The following SBF1 variants were observed in gnomAD, a reference collection of about 807,000 sequenced individuals.
The protein encoded by SBF1 is SET binding factor 1.
SBF1 carries 65 observed loss-of-function variants against 215.8 expected under a neutral mutation model. The observed-to-expected ratio is 0.30, with a 90% CI of 0.25 to 0.37. SBF1 has a LOEUF of 0.37. Ranked by LOEUF, SBF1 falls within the 10% of genes least tolerant of loss-of-function variation. The pLI is 1.00. For synonymous variants in SBF1, 1,410 were observed against 1,122.8 expected (o/e 1.26, Z -5.11); for missense variants, 2,634 against 2,667.8 (o/e 0.99, Z 0.28).
At chr22:50,474,654 A>T in intron 1 of SBF1, 132 bp downstream of exon 1, 1 of 345,178 alleles carries the variant, frequency 2.9e-6, no homozygotes, top group Non-Finnish European at 4.2e-6. Context: ...CCCGGCCCTC[A>T]GTCCTCGGCC....
intron 23 of SBF1, 133 bp from the exon 24 acceptor site, chr22:50,460,845 T>A: frequency 9.6e-7 from 1 of 1,042,194 alleles, no homozygotes; most frequent in East Asian, 2.4e-5. Context: ...AAGGCCTGTA[T>A]CTGTGTCACA....
intron 28 of SBF1, among the ~76,000 whole-genome samples, chr22:50,458,148 C>A (rs924441468): frequency 3.1e-4 from 47 of 152,022 alleles, no homozygotes; most frequent in African/African-American, 1.0e-3. Context: ...AAATACAATA[C>A]AAAAAAATCA....
At chr22:50,466,964 CAA>C in intron 5 of SBF1, 1 of 555,924 alleles carries the variant, frequency 1.8e-6, no homozygotes, top group Non-Finnish European at 3.2e-6. Flanking sequence ...GCGGAAGAAA[CAA>C]AGAATCCATA....
At chr22:50,463,863 A>T (rs1477163352) in intron 15 of SBF1, among the ~76,000 whole-genome samples, 3 of 152,212 alleles carry the variant, frequency 2.0e-5, no homozygotes, top group Non-Finnish European at 4.4e-5. Context: ...GAAAAACAAG[A>T]GTCTCCAACT....
chr22:50,464,273 TG>T lies in SBF1; in HGVS notation c.1749+55del, dbSNP rs144782443. On this transcript the variant is annotated intron_variant, in intron 15 of 40. Transcript: ENST00000380817. Reference sequence around the variant, plus strand: ...GCACTCACAAGGGTGAAGTGCAGCCTGGGTCTCCTCTGAAACCCGCTGCCCT... The same window carrying T: ...GCACTCACAAGGGTGAAGTGCAGCCTGGTCTCCTCTGAAACCCGCTGCCCT... 0.063 allele frequency: 88,201 copies of T among 1,402,964 alleles called. 3,058 individuals are homozygous for T. Among genetic ancestry groups the T allele is most frequent in the African/African-American group, 0.08 (5,714 of 71,028 alleles). 86.9% of individuals were successfully genotyped at this position (1,402,964 alleles called of 1,614,324 possible).
rs572970807 is a variant in SBF1, at chr22:50,447,000, G to C, written c.*142C>G. ...CGGCCGGGCGGGGCGGGGCGGGGAC[G>C]GGGGCTGTACACACAAGTGCTGGGG... is the stretch of plus-strand genomic sequence containing the variant. On this transcript the variant is annotated 3_prime_UTR_variant, in exon 41 of 41. Transcript: ENST00000380817. 2 of 778,090 alleles carry C rather than the reference G, an allele frequency of 2.6e-6. No individual in the cohort carries two copies. The highest frequency in any genetic ancestry group is 4.3e-6 in the Non-Finnish European group (2 of 460,034). The allele number at this position is 778,090 out of a possible 1,614,324, so 48.2% of individuals were successfully genotyped here. A position where few individuals can be genotyped will look rare whatever the true frequency, so the allele number is the denominator to read the frequency against.
At position 50,466,358 on chromosome 22, in the gene SBF1, G is replaced by C. The variant is rs2067755169; in HGVS notation, c.780C>G (p.Leu260=). The C allele has an allele frequency of 1.3e-6, 2 of 1,568,206 alleles. No homozygotes were observed. Among genetic ancestry groups the C allele is most frequent in the African/African-American group, 1.4e-5 (1 of 73,722 alleles). Residue 260 remains leucine (L), a synonymous_variant, in exon 7 of 41, where the codon CTC becomes CTG. Transcript: ENST00000380817. Reference sequence around the variant, plus strand: ...GGCCGGGCAGGGGTCACCTGTATCTGAGAGGAAACAGCAGTGCCAGGAGGC... The same window carrying C: ...GGCCGGGCAGGGGTCACCTGTATCTCAGAGGAAACAGCAGTGCCAGGAGGC... ...CRGLLALLFP[L]RYSFTYVPIL...
intron 1 of SBF1, among the ~76,000 whole-genome samples, chr22:50,473,783 C>G (rs768251993): frequency 1.3e-5 from 2 of 152,222 alleles, no homozygotes; most frequent in Non-Finnish European, 2.9e-5. Flanking sequence ...CACAGCCATC[C>G]CCACACACTG....
chr22:50,454,403 G>T (rs1354678873), intron 36 of SBF1, 109 bp downstream of exon 36: 4 of 978,738 alleles, frequency 4.1e-6, no homozygotes, highest in Non-Finnish European at 6.2e-6. Flanking sequence ...ACCCCCAGGG[G>T]TAACCGGACT....
chr22:50,459,149 G>A (rs1199322570), intron 28 of SBF1, 106 bp downstream of exon 28: 9 of 1,438,002 alleles, frequency 6.3e-6, no homozygotes, highest in Middle Eastern at 2.0e-4. Context: ...AAACATCCAT[G>A]ACCAGCGCCG....
chr22:50,451,531 ATCATGCAG>A (rs2067047784), intron 36 of SBF1, among the ~76,000 whole-genome samples: 1 of 152,202 alleles, frequency 6.6e-6, no homozygotes, highest in Non-Finnish European at 1.5e-5. Flanking sequence ...AAAGGGAGAG[ATCATGCAG>A]AAAAAGTAAT....
In SBF1 at chr22:50,474,836, G is replaced by C; in HGVS notation, c.5C>G (p.Ala2Gly). The stretch of plus-strand genomic sequence containing the variant: ...CAGCACGAAGTAGTCCGCGAGCCGC[G>C]CCATGGCGAGGGACGCGGGGCGGCC... M[A>G]RLADYFVLVA... Residue 2 changes from alanine (A) to glycine (G), a missense_variant, in exon 1 of 41, where the codon GCG becomes GGG. Ala to Gly is a moderately conservative substitution (Grantham distance 60). Coordinates refer to ENST00000380817, the MANE Select transcript of SBF1 (RefSeq NM_002972.4). 2 of 1,433,822 alleles carry C rather than the reference G, an allele frequency of 1.4e-6. No individual in the cohort carries two copies. The highest frequency in any genetic ancestry group is 1.8e-6 in the Non-Finnish European group (2 of 1,095,508). 88.8% of individuals were successfully genotyped at this position (1,433,822 alleles called of 1,614,324 possible). A position where few individuals can be genotyped will look rare whatever the true frequency, so the allele number is the denominator to read the frequency against.
chr22:50,467,760 G>A (rs1379710270), intron 3 of SBF1, 26 bp downstream of exon 3: 4 of 1,613,182 alleles, frequency 2.5e-6, no homozygotes, highest in African/African-American at 2.7e-5. Flanking sequence ...CTTCATTCAT[G>A]CTGTACCCAG....
In SBF1 at chr22:50,447,532, G is replaced by A. The variant is rs764499651; in HGVS notation, c.5441C>T (p.Thr1814Ile). 2.5e-6 allele frequency: 4 copies of A among 1,613,236 alleles called. No individual in the cohort carries two copies. Among genetic ancestry groups the A allele is most frequent in the African/African-American group, 1.3e-5 (1 of 74,904 alleles). Reference protein sequence around the residue: ...WKARWFVLDKTKHQLRYYDHR... With the variant: ...WKARWFVLDKIKHQLRYYDHR... ...CACCTGATCACTCACCTGGTGCTTGGTCTTGTCCAGCACGAACCAGCGGGC... is the reference window on the plus strand; with the variant it reads ...CACCTGATCACTCACCTGGTGCTTGATCTTGTCCAGCACGAACCAGCGGGC... Residue 1814 changes from threonine to isoleucine, a missense_variant, in exon 39 of 41, where the codon ACC (threonine) becomes ATC (isoleucine). By Grantham distance (89) the Thr-to-Ile change is moderately conservative. Transcript: ENST00000380817.
At position 50,464,386 on chromosome 22, in the gene SBF1, C is replaced by G. The variant is rs950951796; in HGVS notation, c.1692G>C (p.Glu564Asp). 7 of 1,614,126 alleles carry G rather than the reference C, an allele frequency of 4.3e-6. No individual in the cohort carries two copies. The highest frequency in any genetic ancestry group is 5.9e-6 in the Non-Finnish European group (7 of 1,180,028). ...CGTAGGAGATGCAGTTGCGCACAAC[C>G]TCCAGCCGCCGGGCGCTGTTGACAT... ...GLHVNSARRLEVVRNCISYVF... is the reference protein window; with the variant it reads ...GLHVNSARRLDVVRNCISYVF... Residue 564 changes from glutamate (E) to aspartate (D), a missense_variant, in exon 15 of 41, where the codon GAG (glutamate) becomes GAC (aspartate). Transcript: ENST00000380817.
At chr22:50,464,251 C>CTT (rs1401902045) in intron 15 of SBF1, 78 bp downstream of exon 15, 13 of 1,252,688 alleles carry the variant, frequency 1.0e-5, no homozygotes, top group Non-Finnish European at 1.5e-5. Context: ...AGCGTCAGCA[C>CTT]TCACAAGGGT....
At position 50,461,966 on chromosome 22, in the gene SBF1, C is replaced by T. The variant is rs747425366; in HGVS notation, c.2550G>A (p.Gly850=). The change falls in exon 20 of 41, where the codon GGG becomes GGA. Residue 850 remains glycine, a synonymous_variant. Transcript: ENST00000380817. ...CCGTACCTGGCACCATGACATGCAG[C>T]CCCTTGAGGTGGTCGCTGGTGACCC... The part of the protein sequence containing the change: ...ESGVTSDHLK[G]LHVMVPDIVQ... The T allele has an allele frequency of 1.2e-6, 2 of 1,614,198 alleles. No homozygotes were observed. The highest frequency in any genetic ancestry group is 2.2e-5 in the East Asian group (1 of 44,884).
At position 50,474,853 on chromosome 22, in the gene SBF1, G is replaced by C; in HGVS notation, c.-13C>G. ...CGAGCCGCGCCATGGCGAGGGACGCGGGGCGGCCCGAGGGGCGCGGGCGGG... is the reference window on the plus strand; with the variant it reads ...CGAGCCGCGCCATGGCGAGGGACGCCGGGCGGCCCGAGGGGCGCGGGCGGG... On this transcript the variant is annotated 5_prime_UTR_variant, in exon 1 of 41. Coordinates refer to ENST00000380817, the MANE Select transcript of SBF1 (RefSeq NM_002972.4). 1 of 1,402,316 alleles carries C rather than the reference G, an allele frequency of 7.1e-7. No homozygotes were observed. Among genetic ancestry groups the C allele is most frequent in the Non-Finnish European group, 9.3e-7 (1 of 1,080,698 alleles). 86.9% of individuals were successfully genotyped at this position (1,402,316 alleles called of 1,614,324 possible).
chr22:50,447,496 G>T, intron 39 of SBF1, 26 bp downstream of exon 39: 1 of 1,608,492 alleles, frequency 6.2e-7, no homozygotes, highest in Non-Finnish European at 8.5e-7. Context: ...TCCCCCGTGA[G>T]TCCCCCCCAC....
Sources: gnomAD v4.1 joint callset for allele counts (sites outside exome capture counted in the v4.1 genomes callset) on GRCh38, gnomAD v4.1.1 for gene constraint, MANE v1.5 for transcripts, NCBI Gene and HGNC (gene_info 2026-07-23, HGNC 2026-07-21) for gene names.